The following ACAT2 variants were observed in gnomAD, a reference collection of about 807,000 sequenced individuals.
The protein encoded by ACAT2 is acetyl-CoA acetyltransferase 2, also known as acetyl-CoA acetyltransferase, cytosolic.
ACAT2 carries 26 observed loss-of-function variants against 37.1 expected under a neutral mutation model. That is an observed-to-expected ratio of 0.70 (90% confidence interval 0.51 to 0.97). ACAT2 has a LOEUF of 0.97. ACAT2 is among the 50% of genes least tolerant of loss of function. The probability of loss-of-function intolerance (pLI) is 0.00; values close to 1 mark genes in which losing one functional copy is unlikely to be tolerated. For synonymous variants in ACAT2, 156 were observed against 163.6 expected, an observed-to-expected ratio of 0.95 and a Z score of 0.35; for missense variants, 468 against 489.0, an observed-to-expected ratio of 0.96 and a Z score of 0.40.
At chr6:159,773,446 A>T (rs1425153508) in intron 4 of ACAT2, among the ~76,000 whole-genome samples, 1 of 152,198 alleles carries the variant, frequency 6.6e-6, no homozygotes, top group East Asian at 1.9e-4. Flanking sequence ...TTCCAAGGCT[A>T]GGGAAAAAAT....
rs1780395075 is a variant in ACAT2, at chr6:159,775,267, C to A, written c.588C>A (p.Gly196=). The A allele has an allele frequency of 6.2e-7, 1 of 1,614,046 alleles. No individual in the cohort carries two copies. The highest frequency in any genetic ancestry group is 8.5e-7 in the Non-Finnish European group (1 of 1,179,996). ...GGACAGAGAATGCACAGAAAGCTGG[C>A]CATTTTGACAAAGAGATTGTACCAG... ...QNRTENAQKA[G]HFDKEIVPVL... The change falls in exon 5 of 9, where the codon GGC becomes GGA. Residue 196 remains glycine (G), a synonymous_variant. Transcript: ENST00000367048.
In ACAT2 at chr6:159,768,561, A is replaced by G; in HGVS notation, c.423A>G (p.Pro141=). 2 of 1,614,060 alleles carry G rather than the reference A, an allele frequency of 1.2e-6. No homozygotes were observed. The highest frequency in any genetic ancestry group is 1.7e-6 in the Non-Finnish European group (2 of 1,179,928). ...CAGGAGTAAAGATAGGTGAGATGCCACTGACTGACAGTATACTCTGTGATG... is the reference window on the plus strand; with the variant it reads ...CAGGAGTAAAGATAGGTGAGATGCCGCTGACTGACAGTATACTCTGTGATG... ...LRTGVKIGEM[P]LTDSILCDGL... The change falls in exon 4 of 9, where the codon CCA becomes CCG. Residue 141 remains proline (P), a synonymous_variant. Coordinates refer to ENST00000367048, the MANE Select transcript of ACAT2 (RefSeq NM_005891.3).
At chr6:159,771,553 A>G (rs1457530078) in intron 4 of ACAT2, among the ~76,000 whole-genome samples, 4 of 152,050 alleles carry the variant, frequency 2.6e-5, no homozygotes, top group African/African-American at 9.7e-5. Context: ...ACCAAGATAG[A>G]CAAGGGAAAA....
In ACAT2 at chr6:159,778,842, T is replaced by C. The variant is rs754778627; in HGVS notation, c.*13T>C. Reference sequence around the variant, plus strand: ...TCAGAGAGAATGAATTGCTTAAACTTTGAACAACCTCAATTTCTTTTTAAA... The same window carrying C: ...TCAGAGAGAATGAATTGCTTAAACTCTGAACAACCTCAATTTCTTTTTAAA... On this transcript the variant is annotated 3_prime_UTR_variant, in exon 9 of 9. Coordinates refer to ENST00000367048, the MANE Select transcript of ACAT2 (RefSeq NM_005891.3). 5.0e-6 allele frequency: 8 copies of C among 1,613,832 alleles called. No homozygotes were observed. The East Asian group carries it at 1.8e-4, about 36-fold the overall frequency.
chr6:159,773,742 T>C (rs1335687410), intron 4 of ACAT2, among the ~76,000 whole-genome samples: 1 of 152,148 alleles, frequency 6.6e-6, no homozygotes, highest in Non-Finnish European at 1.5e-5. Flanking sequence ...AGCATCAAAG[T>C]AAGTAATGAG....
intron 4 of ACAT2, among the ~76,000 whole-genome samples, chr6:159,770,970 C>T (rs1780326882): frequency 6.6e-6 from 1 of 152,172 alleles, no homozygotes; most frequent in Admixed American, 6.5e-5. Context: ...GAGGCTGAGG[C>T]AGAAGAATAG....
Position 159,777,378 on chromosome 6 carries a change from A to G in ACAT2, c.834A>G (p.Ala278=). The change falls in exon 7 of 9, where the codon GCA becomes GCG. Residue 278 remains alanine (A), a synonymous_variant. Transcript: ENST00000367048. ...EADKRGLTPL[A]RIVSWSQVGV... ...ATAAACGTGGGCTTACACCTTTAGC[A>G]CGGATAGTTTCCTGGTCCCAAGTGG... is the stretch of plus-strand genomic sequence containing the variant. The G allele has an allele frequency of 1.2e-6, 2 of 1,614,252 alleles. No homozygotes were observed. Among genetic ancestry groups the G allele is most frequent in the Non-Finnish European group, 1.7e-6 (2 of 1,180,040 alleles).
chr6:159,762,953 C>A lies in ACAT2; in HGVS notation c.90C>A (p.Val30=). 1 of 1,614,048 alleles carries A rather than the reference C, an allele frequency of 6.2e-7. No homozygotes were observed. The highest frequency in any genetic ancestry group is 1.1e-5 in the South Asian group (1 of 91,076). Residue 30 remains valine, a synonymous_variant, in exon 2 of 9, where the codon GTC becomes GTA. Transcript: ENST00000367048. ...SFNGALAAVP[V]QDLGSTVIKE... ...ATGGTGCCTTAGCTGCTGTTCCTGT[C>A]CAGGACCTGGGCTCCACTGTCATCA...
In ACAT2 at chr6:159,762,904, G is replaced by T; in HGVS notation, c.56-15G>T. On this transcript the variant is annotated splice_polypyrimidine_tract_variant and intron_variant, in intron 1 of 8. Coordinates refer to ENST00000367048, the MANE Select transcript of ACAT2 (RefSeq NM_005891.3). The stretch of plus-strand genomic sequence containing the variant: ...CAGGCTTGTGATGTCCACGCTCTCC[G>T]CCTTTCTATTGTAGGTTCCTTCAAT... 1 of 1,608,390 alleles carries T rather than the reference G, an allele frequency of 6.2e-7. No homozygotes were observed. Among genetic ancestry groups the T allele is most frequent in the Non-Finnish European group, 8.5e-7 (1 of 1,177,214 alleles).
chr6:159,762,891 G>C (rs756268042), intron 1 of ACAT2, 28 bp from the exon 2 acceptor site: 1 of 1,605,498 alleles, frequency 6.2e-7, no homozygotes, highest in South Asian at 1.1e-5. Flanking sequence ...GGCTTGTGAT[G>C]TCCACGCTCT....
At chr6:159,772,536 A>G (rs1452363527) in intron 4 of ACAT2, among the ~76,000 whole-genome samples, 1 of 152,254 alleles carries the variant, frequency 6.6e-6, no homozygotes, top group Non-Finnish European at 1.5e-5. Flanking sequence ...ATGAACCTAG[A>G]TCCCTACCTC....
At position 159,762,418 on chromosome 6, in the gene ACAT2, T is replaced by G. The variant is rs2273820; in HGVS notation, c.55+276T>G. 60 of 1,371,466 alleles carry G rather than the reference T, an allele frequency of 4.4e-5. No individual in the cohort carries two copies. The East Asian group carries it at 1.4e-3, about 32-fold the overall frequency. The allele number at this position is 1,371,466 out of a possible 1,614,324, so 85.0% of individuals were successfully genotyped here. On this transcript the variant is annotated intron_variant, in intron 1 of 8. Coordinates refer to ENST00000367048, the MANE Select transcript of ACAT2 (RefSeq NM_005891.3). ...TCGCGTGGCCTGCCTCTCCCATTGG[T>G]TGGCGTAGGGAGGTGTTCTCCTCCG... is the stretch of plus-strand genomic sequence containing the variant.
At position 159,776,259 on chromosome 6, in the gene ACAT2, A is replaced by C. The variant is rs371174941; in HGVS notation, c.744A>C (p.Pro248=). ...CTGATGGAACGGGAACAGTCACCCC[A>C]GCCAATGCTTCAGGTTAGATTTTCT... ...FLTDGTGTVT[P]ANASGINDGA... is the part of the protein sequence containing the mutation. The change falls in exon 6 of 9, where the codon CCA becomes CCC. Residue 248 remains proline (P), a synonymous_variant. Transcript: ENST00000367048. 1.2e-5 allele frequency: 20 copies of C among 1,614,136 alleles called. No homozygotes were observed. Among genetic ancestry groups the C allele is most frequent in the Non-Finnish European group, 1.4e-5 (17 of 1,179,988 alleles).
intron 2 of ACAT2, 62 bp from the exon 3 acceptor site, chr6:159,766,941 CTT>C: frequency 5.6e-6 from 9 of 1,597,204 alleles, no homozygotes; most frequent in Non-Finnish European, 6.9e-6. Context: ...TTTCCACACA[CTT>C]TCACTGTGAC....
chr6:159,762,754 C>T (rs749806091), intron 1 of ACAT2, 165 bp from the exon 2 acceptor site: 2 of 1,577,318 alleles, frequency 1.3e-6, no homozygotes, highest in South Asian at 2.3e-5. Flanking sequence ...TGGCACCCAC[C>T]TTGACCTTTG....
intron 4 of ACAT2, among the ~76,000 whole-genome samples, chr6:159,774,120 GACTC>G (rs1188754299): frequency 6.6e-6 from 1 of 152,180 alleles, no homozygotes; most frequent in African/African-American, 2.4e-5. Flanking sequence ...GTCCTAATAA[GACTC>G]ACTGAGAAAA....
At chr6:159,765,746 C>T (rs1395129762) in intron 2 of ACAT2, among the ~76,000 whole-genome samples, 1 of 152,146 alleles carries the variant, frequency 6.6e-6, no homozygotes, top group Non-Finnish European at 1.5e-5. Flanking sequence ...TGAGGCACCG[C>T]ACTGGGCCTG....
chr6:159,778,492 C>A, intron 8 of ACAT2, 167 bp from the exon 9 acceptor site: 1 of 791,960 alleles, frequency 1.3e-6, no homozygotes, highest in Non-Finnish European at 1.9e-6. Flanking sequence ...GTAAGATAGG[C>A]AGGGATGAAT....
intron 8 of ACAT2, 112 bp from the exon 9 acceptor site, chr6:159,778,547 T>G: frequency 8.2e-7 from 1 of 1,216,774 alleles, no homozygotes; most frequent in Non-Finnish European, 1.1e-6. Flanking sequence ...AAAATGAAAA[T>G]TTGAGTTTGA....
Sources: gnomAD v4.1 joint callset for allele counts (sites outside exome capture counted in the v4.1 genomes callset) on GRCh38, gnomAD v4.1.1 for gene constraint, MANE v1.5 for transcripts, NCBI Gene and HGNC (gene_info 2026-07-23, HGNC 2026-07-21) for gene names.